Variants in STK33 observed in about 807,000 individuals in gnomAD.
The protein encoded by STK33 is serine/threonine-protein kinase 33.
In STK33, 52 loss-of-function variants were observed where a neutral mutation model predicts 58.0. The observed-to-expected ratio is 0.90, with a 90% CI of 0.72 to 1.13. The LOEUF is 1.13. STK33 is among the 50% of genes most tolerant of loss of function. The probability of loss-of-function intolerance (pLI) is 0.00; values close to 1 mark genes in which losing one functional copy is unlikely to be tolerated. For synonymous variants in STK33, 215 were observed against 200.1 expected (o/e 1.07, Z -0.63); for missense variants, 630 against 604.2 (o/e 1.04, Z -0.45).
At chr11:8,500,618 G>C (rs985125770) in intron 1 of STK33, among the ~76,000 whole-genome samples, 1 of 152,112 alleles carries the variant, frequency 6.6e-6, no homozygotes, top group African/African-American at 2.4e-5. Context: ...TCCCCAAACT[G>C]ATCTACCAAT....
intron 15 of STK33, among the ~76,000 whole-genome samples, chr11:8,396,881 A>G (rs1220602367): frequency 2.0e-5 from 3 of 152,180 alleles, no homozygotes; most frequent in Non-Finnish European, 4.4e-5. Context: ...CAGCAGTCTG[A>G]GATCAAACTG....
chr11:8,573,141 T>C (rs1555010180), intron 1 of STK33, among the ~76,000 whole-genome samples: 1 of 152,144 alleles, frequency 6.6e-6, no homozygotes, highest in Non-Finnish European at 1.5e-5. Flanking sequence ...CAAAAGATCC[T>C]GTTAATTATT....
At chr11:8,579,412 T>A (rs545977041) in intron 1 of STK33, among the ~76,000 whole-genome samples, 237 of 152,190 alleles carry the variant, frequency 1.6e-3, no homozygotes, top group African/African-American at 5.1e-3. Context: ...ATTCCTAGAA[T>A]AAGAATCTCA....
intron 1 of STK33, among the ~76,000 whole-genome samples, chr11:8,487,560 T>C (rs1950277834): frequency 6.6e-6 from 1 of 151,992 alleles, no homozygotes; most frequent in South Asian, 2.1e-4. Flanking sequence ...AAAAGAATTC[T>C]GAATAACATT....
intron 1 of STK33, among the ~76,000 whole-genome samples, chr11:8,501,563 A>T (rs1951518123): frequency 6.6e-6 from 1 of 152,196 alleles, no homozygotes; most frequent in Non-Finnish European, 1.5e-5. Context: ...GTATAAAGAG[A>T]TGTGGAGAAA....
chr11:8,435,489 CT>C lies in STK33; in HGVS notation c.1146+4del. ...CAGAAAGAAAAAAGTAATATTGTAA[CT>C]TACTGTTAACCACTGGTTATCTAGT... On this transcript the variant is annotated splice_donor_region_variant and intron_variant, in intron 14 of 15. Coordinates refer to ENST00000687296, the MANE Select transcript of STK33 (RefSeq NM_001352389.2). 1 of 1,403,878 alleles carries C rather than the reference CT, an allele frequency of 7.1e-7. No homozygotes were observed. The highest frequency in any genetic ancestry group is 9.5e-7 in the Non-Finnish European group (1 of 1,056,044). The allele number at this position is 1,403,878 out of a possible 1,614,324, so 87.0% of individuals were successfully genotyped here.
chr11:8,473,741 C>G (rs1949003382), intron 5 of STK33, among the ~76,000 whole-genome samples: 1 of 152,112 alleles, frequency 6.6e-6, no homozygotes, highest in African/African-American at 2.4e-5. Flanking sequence ...TAATACAAAT[C>G]AGAAATAACA....
At chr11:8,387,278 C>A (rs975454704), downstream of STK33, among the ~76,000 whole-genome samples, 1 of 152,122 alleles carries the variant, frequency 6.6e-6, no homozygotes, top group Non-Finnish European at 1.5e-5. Context: ...TCAAACTTCA[C>A]GGTAGCTTAG....
the STK33 span, among the ~76,000 whole-genome samples, chr11:8,342,676 T>C: frequency 6.6e-6 from 1 of 152,250 alleles, no homozygotes; most frequent in Non-Finnish European, 1.5e-5. Context: ...ATGAGGTAGG[T>C]ATTATTTCCT....
chr11:8,452,465 C>G (rs1298323643), intron 11 of STK33, among the ~76,000 whole-genome samples: 1 of 152,072 alleles, frequency 6.6e-6, no homozygotes, highest in Admixed American at 6.5e-5. Context: ...GTAATCCATA[C>G]TGGTTGTTCT....
chr11:8,571,317 CA>C (rs1298279853), intron 1 of STK33, among the ~76,000 whole-genome samples: 5 of 152,078 alleles, frequency 3.3e-5, no homozygotes, highest in Admixed American at 6.5e-5. Flanking sequence ...TACAAAAGAA[CA>C]AACATTGTAT....
intron 1 of STK33, among the ~76,000 whole-genome samples, chr11:8,556,560 T>C (rs1192750339): frequency 2.0e-5 from 3 of 152,208 alleles, no homozygotes; most frequent in African/African-American, 7.2e-5. Context: ...GTAAACTCCT[T>C]ATCCTGTAGA....
At chr11:8,449,135 A>C (rs1226894741) in intron 11 of STK33, among the ~76,000 whole-genome samples, 1 of 151,618 alleles carries the variant, frequency 6.6e-6, no homozygotes, top group African/African-American at 2.4e-5. Flanking sequence ...AGGAAACAAC[A>C]GGTGCTGGAG....
At chr11:8,482,070 C>T (rs1038234314) in intron 1 of STK33, among the ~76,000 whole-genome samples, 3 of 152,156 alleles carry the variant, frequency 2.0e-5, no homozygotes, top group Admixed American at 6.5e-5. Context: ...TCCCCAGCCA[C>T]GTAATTTCAA....
chr11:8,568,005 T>C (rs1455330594), intron 1 of STK33, among the ~76,000 whole-genome samples: 1 of 152,164 alleles, frequency 6.6e-6, no homozygotes, highest in African/African-American at 2.4e-5. Context: ...CACCTCTTTT[T>C]CCAAGGAAAA....
chr11:8,471,482 C>T (rs1948774813), intron 6 of STK33, among the ~76,000 whole-genome samples: 1 of 152,080 alleles, frequency 6.6e-6, no homozygotes, highest in South Asian at 2.1e-4. Flanking sequence ...GATATGATTT[C>T]ATTATGACAA....
the STK33 span, among the ~76,000 whole-genome samples, chr11:8,382,058 C>T: frequency 6.6e-6 from 1 of 152,132 alleles, no homozygotes. Context: ...ACTCCTGCCT[C>T]GCCCCCACCC....
At chr11:8,381,845 T>G in the STK33 span, among the ~76,000 whole-genome samples, 1 of 151,928 alleles carries the variant, frequency 6.6e-6, no homozygotes, top group African/African-American at 2.4e-5. Flanking sequence ...ATTATGTTCC[T>G]TGCAATTTGG....
chr11:8,361,852 G>A, the STK33 span, among the ~76,000 whole-genome samples: 4 of 152,314 alleles, frequency 2.6e-5, no homozygotes, highest in South Asian at 8.3e-4. The surrounding 1 kb of genome is among the most constrained non-coding windows in gnomAD (Gnocchi z 4.8). Context: ...ACCACTGCTG[G>A]ATCCCCTGCC....
Sources: allele counts gnomAD v4.1 joint callset (sites outside exome capture counted in the v4.1 genomes callset), GRCh38; gene constraint gnomAD v4.1.1; non-coding constraint Gnocchi (gnomAD v3.1); transcripts MANE v1.5; gene names NCBI Gene and HGNC (gene_info 2026-07-23, HGNC 2026-07-21).